ATG5: variants seen among roughly 807,000 people sequenced by gnomAD.
ATG5 encodes autophagy protein 5.
In ATG5, 14 loss-of-function variants were observed where a neutral mutation model predicts 36.5. The ratio of observed to expected loss-of-function variants is 0.38; its 90% CI spans 0.25 to 0.60. ATG5 has a LOEUF of 0.60. Ranked by LOEUF, ATG5 falls within the 20% of genes least tolerant of loss-of-function variation. The pLI, the probability that ATG5 is intolerant of heterozygous loss-of-function variation, is 0.60. For synonymous variants in ATG5, 95 were observed against 101.5 expected (o/e 0.94, Z 0.38); for missense variants, 195 against 326.7 (o/e 0.60, Z 3.11).
intron 6 of ATG5, among the ~76,000 whole-genome samples, chr6:106,208,040 C>T (rs758217812): frequency 5.9e-5 from 9 of 152,046 alleles, no homozygotes; most frequent in South Asian, 2.1e-4. Context: ...TGCAGTGAGC[C>T]GAAATCGCGC....
intron 2 of ATG5, among the ~76,000 whole-genome samples, chr6:106,312,390 A>G (rs1770679838): frequency 6.6e-6 from 1 of 152,134 alleles, no homozygotes. Flanking sequence ...TCTAACATAC[A>G]TAGTTTGAGC....
At chr6:106,305,574 C>T (rs1766208) in intron 3 of ATG5, among the ~76,000 whole-genome samples, 32,480 of 152,138 alleles carry the variant, frequency 0.21, 3,887 homozygotes, top group Admixed American at 0.34. Context: ...TGAGTTGTCT[C>T]AACTGGCGAC....
intron 3 of ATG5, among the ~76,000 whole-genome samples, chr6:106,296,618 G>C (rs1387202344): frequency 6.6e-6 from 1 of 152,186 alleles, no homozygotes; most frequent in African/African-American, 2.4e-5. Flanking sequence ...AGGAATTCAA[G>C]ACCAGGCTGA....
chr6:106,253,628 T>C (rs1778685076), intron 5 of ATG5, among the ~76,000 whole-genome samples: 1 of 152,198 alleles, frequency 6.6e-6, no homozygotes, highest in Admixed American at 6.5e-5. Context: ...CTTTCACCTC[T>C]CTGAGCCAAC....
chr6:106,309,263 G>T (rs1391840914), intron 2 of ATG5, among the ~76,000 whole-genome samples: 1 of 152,048 alleles, frequency 6.6e-6, no homozygotes, highest in Non-Finnish European at 1.5e-5. Flanking sequence ...TTTATTCAAG[G>T]TGATATCTTT....
At chr6:106,298,173 C>T (rs758425292) in intron 3 of ATG5, among the ~76,000 whole-genome samples, 7 of 151,880 alleles carry the variant, frequency 4.6e-5, no homozygotes, top group Non-Finnish European at 8.8e-5. Context: ...GTTGGCCAGG[C>T]TAGTCTTGAA....
intron 5 of ATG5, among the ~76,000 whole-genome samples, chr6:106,274,125 C>T (rs542601506): frequency 2.0e-5 from 3 of 152,108 alleles, no homozygotes; most frequent in East Asian, 3.9e-4. Context: ...TTGTATACTC[C>T]GAAAAGCAAG....
intron 7 of ATG5, among the ~76,000 whole-genome samples, chr6:106,190,089 T>C (rs1326069206): frequency 3.3e-5 from 5 of 152,236 alleles, no homozygotes; most frequent in African/African-American, 1.2e-4. Context: ...ATATTCATTG[T>C]AGTCCATATT....
At chr6:106,324,642 A>G (rs938731574) in intron 1 of ATG5, among the ~76,000 whole-genome samples, 2 of 152,216 alleles carry the variant, frequency 1.3e-5, no homozygotes, top group African/African-American at 2.4e-5. Context: ...TGTGTGCACT[A>G]TTCTAAAAAT....
At chr6:106,243,050 T>C (rs1778188657) in intron 6 of ATG5, among the ~76,000 whole-genome samples, 1 of 152,186 alleles carries the variant, frequency 6.6e-6, no homozygotes, top group African/African-American at 2.4e-5. Flanking sequence ...GTTTAGAAGG[T>C]GCCAAGTTAA....
chr6:106,321,454 G>A (rs912237262), intron 1 of ATG5, among the ~76,000 whole-genome samples: 1 of 151,954 alleles, frequency 6.6e-6, no homozygotes, highest in Admixed American at 6.6e-5. Flanking sequence ...CGTCTCCCGG[G>A]TTCACGCCAT....
chr6:106,213,457 G>A (rs914539225), intron 6 of ATG5, among the ~76,000 whole-genome samples: 6 of 152,122 alleles, frequency 3.9e-5, no homozygotes, highest in Non-Finnish European at 5.9e-5. Flanking sequence ...TATTACAACA[G>A]TAGAGAATTT....
At chr6:106,269,919 G>A (rs971389996) in intron 5 of ATG5, among the ~76,000 whole-genome samples, 1 of 152,222 alleles carries the variant, frequency 6.6e-6, no homozygotes, top group Non-Finnish European at 1.5e-5. Flanking sequence ...AGGAGACGCC[G>A]AGAGCGAGCA....
chr6:106,309,451 A>G (rs1263904070), intron 2 of ATG5, among the ~76,000 whole-genome samples: 1 of 152,160 alleles, frequency 6.6e-6, no homozygotes, highest in East Asian at 1.9e-4. Context: ...GGAGGGAGAT[A>G]GTTGGCATGC....
intron 2 of ATG5, among the ~76,000 whole-genome samples, chr6:106,313,782 C>A (rs747024894): frequency 5.3e-5 from 8 of 152,178 alleles, no homozygotes; most frequent in African/African-American, 1.9e-4. Flanking sequence ...TGAACTACAG[C>A]TATATTGGCA....
Position 106,272,954 on chromosome 6 carries a change from C to T in ATG5, c.478+6707G>A, listed in dbSNP as rs9398076. On this transcript the variant is annotated intron_variant, in intron 5 of 7. Coordinates refer to ENST00000369076, the MANE Select transcript of ATG5 (RefSeq NM_004849.4). ...ATGAAAAATAATAGATGAAACAAGG[C>T]TGGCCATATACTGGTAACAGATGAG... is the stretch of plus-strand genomic sequence containing the variant. Among the ~76,000 whole-genome samples the T allele has an allele frequency of 0.013, 1,916 of 152,244 alleles. 166 individuals are homozygous for T. In the East Asian group the frequency reaches 0.25, roughly 20 times the overall value.
In ATG5 at chr6:106,204,085, G is replaced by T. The variant is rs565221418; in HGVS notation, c.574-1996C>A. On this transcript the variant is annotated intron_variant, in intron 6 of 7. Coordinates refer to ENST00000369076, the MANE Select transcript of ATG5 (RefSeq NM_004849.4). ...CACACCAAGGCCTGTCGGGGAGTAG[G>T]GGGCTAGGGGAGGGATAGCATTAGG... Among the ~76,000 whole-genome samples, 19 of 152,248 alleles carry T rather than the reference G, an allele frequency of 1.2e-4. No individual in the cohort carries two copies. In the South Asian group the frequency reaches 3.9e-3, roughly 32 times the overall value.
chr6:106,202,167 T>G lies in ATG5; in HGVS notation c.574-78A>C, dbSNP rs934197466. ...ATTACAAATTTATATATCATAAACT[T>G]TATGTTGGCATTAGGTGCCTTTTGA... On this transcript the variant is annotated intron_variant, in intron 6 of 7. Transcript: ENST00000369076. 35 of 1,131,852 alleles carry G rather than the reference T, an allele frequency of 3.1e-5. No individual in the cohort carries two copies. In the East Asian group the frequency reaches 8.4e-4, roughly 27 times the overall value. The allele number at this position is 1,131,852 out of a possible 1,614,324, so 70.1% of individuals were successfully genotyped here.
intron 2 of ATG5, among the ~76,000 whole-genome samples, chr6:106,309,741 C>A (rs1770578961): frequency 6.6e-6 from 1 of 152,016 alleles, no homozygotes; most frequent in African/African-American, 2.4e-5. Context: ...ACAGATGTGA[C>A]ATTAAAGTCT....
Sources: gnomAD v4.1 joint callset for allele counts (sites outside exome capture counted in the v4.1 genomes callset) on GRCh38, gnomAD v4.1.1 for gene constraint, MANE v1.5 for transcripts, NCBI Gene and HGNC (gene_info 2026-07-23, HGNC 2026-07-21) for gene names.